The following KCNMA1 variants were observed in gnomAD, a reference collection of about 807,000 sequenced individuals.
The protein encoded by KCNMA1 is potassium calcium-activated channel subfamily M alpha 1.
Under a neutral mutation model 140.0 loss-of-function variants are expected in KCNMA1, and 29 were observed. The ratio of observed to expected loss-of-function variants is 0.21; its 90% CI spans 0.15 to 0.28. The LOEUF is 0.28. KCNMA1 is among the 10% of genes least tolerant of loss of function. KCNMA1 has a pLI of 1.00. For missense variants in KCNMA1, 880 were observed against 1,602.2 expected, an observed-to-expected ratio of 0.55 and a Z score of 7.70; for synonymous variants, 612 against 611.9, an observed-to-expected ratio of 1.00 and a Z score of 0.00.
At chr10:76,965,314 C>T (rs1055335987) in intron 20 of KCNMA1, among the ~76,000 whole-genome samples, 6 of 152,200 alleles carry the variant, frequency 3.9e-5, no homozygotes, top group African/African-American at 1.4e-4. Flanking sequence ...TCCTGGTCTA[C>T]TATTCTACAG....
intron 18 of KCNMA1, among the ~76,000 whole-genome samples, chr10:77,005,796 T>C (rs2088319274): frequency 6.6e-6 from 1 of 152,238 alleles, no homozygotes; most frequent in Admixed American, 6.5e-5. Flanking sequence ...ATAGTACTAT[T>C]TACAGAGACA....
intron 2 of KCNMA1, among the ~76,000 whole-genome samples, chr10:77,324,625 A>T (rs1397400329): frequency 1.3e-5 from 2 of 151,976 alleles, no homozygotes; most frequent in Non-Finnish European, 1.5e-5. Flanking sequence ...CCCAGACTGG[A>T]CTCAAACTCC....
intron 2 of KCNMA1, among the ~76,000 whole-genome samples, chr10:77,393,008 G>T (rs754108060): frequency 6.6e-6 from 1 of 152,182 alleles, no homozygotes; most frequent in Non-Finnish European, 1.5e-5. Flanking sequence ...AGCCCAGCCC[G>T]TTCTCCAGTC....
chr10:77,234,390 A>C (rs1233464633), intron 3 of KCNMA1, among the ~76,000 whole-genome samples: 1 of 152,162 alleles, frequency 6.6e-6, no homozygotes, highest in East Asian at 1.9e-4. Context: ...TTACTTGTCA[A>C]CTTGTTTACG....
intron 1 of KCNMA1, among the ~76,000 whole-genome samples, chr10:77,609,444 T>A (rs2085914239): frequency 6.6e-6 from 1 of 152,184 alleles, no homozygotes; most frequent in African/African-American, 2.4e-5. Flanking sequence ...GGGGCTGGGA[T>A]GGGAGAGGAA....
chr10:77,395,309 C>CT, intron 2 of KCNMA1, among the ~76,000 whole-genome samples: 1 of 151,894 alleles, frequency 6.6e-6, no homozygotes, highest in Non-Finnish European at 1.5e-5. Flanking sequence ...ATGATTGCAC[C>CT]AATGCACTCC....
intron 5 of KCNMA1, among the ~76,000 whole-genome samples, chr10:77,155,679 T>G (rs1413995238): frequency 6.6e-6 from 1 of 152,050 alleles, no homozygotes; most frequent in Non-Finnish European, 1.5e-5. Flanking sequence ...CCTCCACCAT[T>G]ACGATCTGAA....
chr10:76,941,699 C>T (rs866728505), intron 23 of KCNMA1, among the ~76,000 whole-genome samples: 5 of 152,110 alleles, frequency 3.3e-5, no homozygotes, highest in African/African-American at 7.2e-5. Flanking sequence ...CAGGGGTCTA[C>T]GAGAATCACT....
At chr10:77,333,879 T>C (rs1338419969) in intron 2 of KCNMA1, among the ~76,000 whole-genome samples, 1 of 152,242 alleles carries the variant, frequency 6.6e-6, no homozygotes, top group Non-Finnish European at 1.5e-5. Context: ...GTGCGCTCCT[T>C]GGGAGGTGAA....
At chr10:77,186,571 T>A (rs1424969239) in intron 3 of KCNMA1, among the ~76,000 whole-genome samples, 1 of 152,024 alleles carries the variant, frequency 6.6e-6, no homozygotes, top group Non-Finnish European at 1.5e-5. Flanking sequence ...CAGGCTACAG[T>A]GAATCGGTGA....
At chr10:77,078,330 C>T (rs1595459411) in intron 13 of KCNMA1, among the ~76,000 whole-genome samples, 1 of 152,236 alleles carries the variant, frequency 6.6e-6, no homozygotes, top group East Asian at 1.9e-4. Context: ...TGCCACCTTC[C>T]CTCCCCTAAA....
At chr10:77,546,609 C>T (rs769162432) in intron 1 of KCNMA1, among the ~76,000 whole-genome samples, 3 of 152,264 alleles carry the variant, frequency 2.0e-5, no homozygotes, top group Middle Eastern at 3.2e-3. Flanking sequence ...GTCCCTTCCC[C>T]GGTGCTGCAT....
chr10:77,376,979 A>G (rs1301213377), intron 2 of KCNMA1, among the ~76,000 whole-genome samples: 1 of 152,086 alleles, frequency 6.6e-6, no homozygotes, highest in South Asian at 2.1e-4. Context: ...ATACATACAT[A>G]CATACATAAA....
At chr10:77,001,682 G>T in intron 18 of KCNMA1, 102 bp from the exon 19 acceptor site, 1 of 913,020 alleles carries the variant, frequency 1.1e-6, no homozygotes, top group Non-Finnish European at 1.7e-6. Context: ...ATTTAACACA[G>T]GTCTTAGTTC....
chr10:77,543,465 C>A (rs1270318223), intron 1 of KCNMA1, among the ~76,000 whole-genome samples: 1 of 152,110 alleles, frequency 6.6e-6, no homozygotes. Flanking sequence ...ACACACACTA[C>A]AGGAGGAAAA....
Position 76,887,076 on chromosome 10 carries a change from T to C in KCNMA1, c.*190A>G. 1 of 1,522,044 alleles carries C rather than the reference T, an allele frequency of 6.6e-7. No individual in the cohort carries two copies. 94.3% of individuals were successfully genotyped at this position (1,522,044 alleles called of 1,614,324 possible). A position where few individuals can be genotyped will look rare whatever the true frequency, so the allele number is the denominator to read the frequency against. ...TTTTGGTCCGTCTGCTTATTTGCTG[T>C]TGTGCTCAAGGGTTTTATGGTGGTG... On this transcript the variant is annotated 3_prime_UTR_variant, in exon 28 of 28. Coordinates refer to ENST00000286628, the MANE Select transcript of KCNMA1 (RefSeq NM_001161352.2).
At chr10:77,617,991 T>C (rs1408639389) in intron 1 of KCNMA1, among the ~76,000 whole-genome samples, 1 of 152,190 alleles carries the variant, frequency 6.6e-6, no homozygotes, top group African/African-American at 2.4e-5. Flanking sequence ...AAATACCATG[T>C]GATCAAGTTC....
intron 14 of KCNMA1, chr10:77,063,616 T>C: frequency 1.9e-6 from 1 of 538,602 alleles, no homozygotes; most frequent in Non-Finnish European, 2.4e-6. Flanking sequence ...TTCCTCATCA[T>C]TGTTCTGGAC....
At chr10:77,432,174 G>A (rs1437628752) in intron 1 of KCNMA1, among the ~76,000 whole-genome samples, 1 of 152,182 alleles carries the variant, frequency 6.6e-6, no homozygotes, top group Non-Finnish European at 1.5e-5. Flanking sequence ...GGATAAAGTA[G>A]TGCTTAATGA....
Sources: allele counts gnomAD v4.1 joint callset (sites outside exome capture counted in the v4.1 genomes callset), GRCh38; gene constraint gnomAD v4.1.1; transcripts MANE v1.5; gene names NCBI Gene and HGNC (gene_info 2026-07-23, HGNC 2026-07-21).